Variants in CYFIP1 observed in about 807,000 individuals in gnomAD.
CYFIP1 encodes the protein cytoplasmic FMR1-interacting protein 1.
CYFIP1 carries 58 observed loss-of-function variants against 163.5 expected under a neutral mutation model. That is an observed-to-expected ratio of 0.35 (90% confidence interval 0.29 to 0.44). The LOEUF (loss-of-function observed/expected upper bound fraction) is 0.44. Among genes scored for constraint, CYFIP1 ranks in the 20% least tolerant of loss-of-function variants. The pLI, the probability that CYFIP1 is intolerant of heterozygous loss-of-function variation, is 1.00. For synonymous variants in CYFIP1, 663 were observed against 660.7 expected (o/e 1.00, Z -0.05); for missense variants, 1,338 against 1,653.8 (o/e 0.81, Z 3.31).
chr15:22,894,851 A>C (rs1408256532), intron 22 of CYFIP1, among the ~76,000 whole-genome samples: 1 of 144,520 alleles, frequency 6.9e-6, no homozygotes, highest in South Asian at 2.1e-4. Context: ...CTATATGTAT[A>C]TATTATATAT....
At chr15:22,888,021 G>A (rs1303878321) in intron 23 of CYFIP1, among the ~76,000 whole-genome samples, 6 of 152,172 alleles carry the variant, frequency 3.9e-5, no homozygotes, top group Non-Finnish European at 5.9e-5. Context: ...TCTTACTTAT[G>A]AGATAAAGAA....
rs771473996 is a variant in CYFIP1, at chr15:22,918,862, C to A, written c.1360-4G>T. The A allele has an allele frequency of 6.3e-7, 1 of 1,593,070 alleles. No individual in the cohort carries two copies. On this transcript the variant is annotated splice_region_variant and splice_polypyrimidine_tract_variant and intron_variant, in intron 13 of 30. Coordinates refer to ENST00000617928, the MANE Select transcript of CYFIP1 (RefSeq NM_014608.6). The stretch of plus-strand genomic sequence containing the variant: ...GGCCTTTGATCATGGCGATCACCTG[C>A]GGGGGACACAGCAACAGGGACGGCC...
chr15:22,980,804 G>C (rs2063461742), upstream of CYFIP1, among the ~76,000 whole-genome samples: 1 of 152,088 alleles, frequency 6.6e-6, no homozygotes, highest in East Asian at 2.0e-4. Context: ...ACCTGCGCTC[G>C]TCGGGAGGGT....
chr15:22,973,659 T>A (rs185437017), intron 1 of CYFIP1, among the ~76,000 whole-genome samples: 309 of 152,106 alleles, frequency 2.0e-3, no homozygotes, highest in South Asian at 0.012. Context: ...TGGCTTATTT[T>A]GAGGAAATAA....
Position 22,927,921 on chromosome 15 carries a change from C to T in CYFIP1, c.1218G>A (p.Ala406=), listed in dbSNP as rs1276796597. The T allele has an allele frequency of 2.5e-6, 4 of 1,605,710 alleles. No individual in the cohort carries two copies. In the Admixed American group the frequency reaches 5.2e-5, roughly 21 times the overall value. The change falls in exon 12 of 31, where the codon GCG becomes GCA. Residue 406 remains alanine (A), a synonymous_variant. Transcript: ENST00000617928. ...CGGGGCCTACCACTTCCATCACGTG[C>T]GCGCTCCACTGCGACAACAGCTGCA... ...QGLQLLSQWS[A]HVMEVYSWKL... is the part of the protein sequence containing the mutation.
intron 24 of CYFIP1, 27 bp downstream of exon 24, chr15:22,882,841 A>G (rs1340853429): frequency 3.7e-6 from 6 of 1,600,104 alleles, no homozygotes; most frequent in South Asian, 2.2e-5. Flanking sequence ...AGGCTGTGTG[A>G]AAGAAGCATG....
chr15:22,916,242 G>A (rs570473020), intron 16 of CYFIP1, among the ~76,000 whole-genome samples: 1 of 152,292 alleles, frequency 6.6e-6, no homozygotes, highest in Non-Finnish European at 1.5e-5. Flanking sequence ...AAGATTTTCT[G>A]TTCATGTCTC....
intron 25 of CYFIP1, 27 bp downstream of exon 25, chr15:22,881,819 C>G: frequency 6.2e-7 from 1 of 1,602,392 alleles, no homozygotes; most frequent in Middle Eastern, 1.7e-4. Context: ...ACAGACAGCA[C>G]TGTGAGCTCC....
intron 13 of CYFIP1, among the ~76,000 whole-genome samples, chr15:22,923,016 T>C (rs1486014197): frequency 6.6e-6 from 1 of 151,830 alleles, no homozygotes. Context: ...AAAAAGACTT[T>C]TAGAAGGAAA....
intron 5 of CYFIP1, among the ~76,000 whole-genome samples, chr15:22,943,884 G>C (rs1239411121): frequency 6.6e-6 from 1 of 152,062 alleles, no homozygotes; most frequent in Non-Finnish European, 1.5e-5. Context: ...AGGACCACCA[G>C]GAATGGACAG....
chr15:22,950,000 G>A (rs961130002), intron 1 of CYFIP1, among the ~76,000 whole-genome samples: 1 of 152,048 alleles, frequency 6.6e-6, no homozygotes, highest in Admixed American at 6.6e-5. Context: ...TTTTAAAAAA[G>A]CTATCCAAAG....
At chr15:22,902,025 A>G (rs2060409369) in intron 22 of CYFIP1, among the ~76,000 whole-genome samples, 1 of 152,202 alleles carries the variant, frequency 6.6e-6, no homozygotes, top group Non-Finnish European at 1.5e-5. Context: ...AGGCACCAGG[A>G]GGCTGAGGTC....
chr15:22,873,098 C>G, intron 29 of CYFIP1, 126 bp from the exon 30 acceptor site: 1 of 1,090,620 alleles, frequency 9.2e-7, no homozygotes, highest in Non-Finnish European at 1.3e-6. Flanking sequence ...CAGTCACCTT[C>G]CACAGCCAGG....
intron 1 of CYFIP1, among the ~76,000 whole-genome samples, chr15:22,975,403 G>A (rs977544915): frequency 7.3e-6 from 1 of 136,228 alleles, no homozygotes. Flanking sequence ...CCGGGAGGCA[G>A]AGCTTGCAGT....
chr15:22,905,028 TCA>T (rs772709439), intron 21 of CYFIP1: 23 of 152,176 alleles, frequency 1.5e-4, no homozygotes, highest in Non-Finnish European at 3.4e-4. Flanking sequence ...AACCCTCGAT[TCA>T]CAGTTCCTTT....
intron 17 of CYFIP1, among the ~76,000 whole-genome samples, chr15:22,912,778 T>C (rs2346697): frequency 0.2 from 29,906 of 151,832 alleles, 3,126 homozygotes; most frequent in Admixed American, 0.29. Flanking sequence ...AAAAACTATC[T>C]GGGCGTGGTG....
chr15:22,890,497 G>A (rs2060048156), intron 23 of CYFIP1, among the ~76,000 whole-genome samples: 1 of 152,146 alleles, frequency 6.6e-6, no homozygotes, highest in Non-Finnish European at 1.5e-5. Flanking sequence ...CAGAGGAGAG[G>A]CCCGGTCACT....
chr15:22,914,722 G>T lies in CYFIP1; in HGVS notation c.1985+4C>A, dbSNP rs368857478. ...GGCTGGAGACAGGCCCGCAGGACAC[G>T]CACTCCATCATCGATGCCTCCTTGG... On this transcript the variant is annotated splice_donor_region_variant and intron_variant, in intron 17 of 30. Transcript: ENST00000617928. 1.9e-6 allele frequency: 3 copies of T among 1,607,930 alleles called. No homozygotes were observed. The highest frequency in any genetic ancestry group is 2.5e-6 in the Non-Finnish European group (3 of 1,176,844).
chr15:22,878,734 T>C (rs192675588), intron 26 of CYFIP1, among the ~76,000 whole-genome samples: 2 of 145,214 alleles, frequency 1.4e-5, no homozygotes, highest in South Asian at 2.2e-4. Flanking sequence ...ATTAAGAGCA[T>C]TTTATCAAAA....
Sources: allele counts gnomAD v4.1 joint callset (sites outside exome capture counted in the v4.1 genomes callset), GRCh38; gene constraint gnomAD v4.1.1; transcripts MANE v1.5; gene names NCBI Gene and HGNC (gene_info 2026-07-23, HGNC 2026-07-21).